The following TBCE variants were observed in gnomAD, a reference collection of about 807,000 sequenced individuals.
The protein encoded by TBCE is tubulin folding cofactor E, also known as tubulin-specific chaperone E.
Under a neutral mutation model 77.0 loss-of-function variants are expected in TBCE, and 53 were observed. The observed-to-expected ratio is 0.69, with a 90% CI of 0.55 to 0.87. TBCE has a LOEUF of 0.87. Among genes scored for constraint, TBCE ranks in the 40% least tolerant of loss-of-function variants. The probability of loss-of-function intolerance (pLI) is 0.00; values close to 1 mark genes in which losing one functional copy is unlikely to be tolerated. For missense variants in TBCE, 624 were observed against 622.4 expected (o/e 1.00, Z -0.03); for synonymous variants, 235 against 241.3 (o/e 0.97, Z 0.24).
At chr1:235,396,108 G>A (rs1678703610) in intron 2 of TBCE, among the ~76,000 whole-genome samples, 1 of 151,752 alleles carries the variant, frequency 6.6e-6, no homozygotes, top group Admixed American at 6.6e-5. Flanking sequence ...CGCCCAGGCT[G>A]GAGTGCAGTG....
intron 5 of TBCE, among the ~76,000 whole-genome samples, chr1:235,420,720 A>G (rs1680355637): frequency 6.6e-6 from 1 of 152,128 alleles, no homozygotes; most frequent in Non-Finnish European, 1.5e-5. Context: ...TGACCTGGTC[A>G]TCCGCCCACC....
intron 7 of TBCE, among the ~76,000 whole-genome samples, chr1:235,431,607 C>A (rs1013329861): frequency 6.6e-6 from 1 of 151,732 alleles, no homozygotes; most frequent in Admixed American, 6.6e-5. Context: ...GTGATTTGCC[C>A]GCCTCGGCCT....
chr1:235,398,284 T>G (rs1385400260), intron 2 of TBCE, among the ~76,000 whole-genome samples: 1 of 151,796 alleles, frequency 6.6e-6, no homozygotes, highest in African/African-American at 2.4e-5. Flanking sequence ...TAGCTGGGAT[T>G]ACAGGCACCC....
At chr1:235,378,435 G>A (rs1373312756) in intron 1 of TBCE, among the ~76,000 whole-genome samples, 1 of 152,086 alleles carries the variant, frequency 6.6e-6, no homozygotes, top group Non-Finnish European at 1.5e-5. Flanking sequence ...TGTTGCCCAG[G>A]CTGGTCTCGA....
At chr1:235,379,675 G>A (rs925156724) in intron 1 of TBCE, among the ~76,000 whole-genome samples, 37 of 152,098 alleles carry the variant, frequency 2.4e-4, no homozygotes, top group Admixed American at 6.6e-4. Context: ...TAGGCCAGGC[G>A]CGGTGGCTCA....
At chr1:235,370,335 C>A (rs1487879809) in intron 1 of TBCE, among the ~76,000 whole-genome samples, 1 of 150,596 alleles carries the variant, frequency 6.6e-6, no homozygotes, top group Non-Finnish European at 1.5e-5. Flanking sequence ...CTCACTGCAA[C>A]CTCTGCCTCC....
At chr1:235,369,497 CTCTG>C (rs1447132090) in intron 1 of TBCE, among the ~76,000 whole-genome samples, 1 of 149,918 alleles carries the variant, frequency 6.7e-6, no homozygotes, top group Non-Finnish European at 1.5e-5. Flanking sequence ...TAGAGCAAGA[CTCTG>C]TCTCAAAAAA....
At chr1:235,381,707 A>C (rs906923592) in intron 2 of TBCE, among the ~76,000 whole-genome samples, 1 of 150,718 alleles carries the variant, frequency 6.6e-6, no homozygotes, top group African/African-American at 2.4e-5. Flanking sequence ...AAAAAAAAAA[A>C]AAAAAGACTG....
intron 1 of TBCE, among the ~76,000 whole-genome samples, chr1:235,372,951 A>C (rs1206537429): frequency 1.3e-5 from 2 of 151,014 alleles, no homozygotes; most frequent in South Asian, 2.1e-4. Context: ...AAAAAGAGAG[A>C]AATTATTAAG....
intron 13 of TBCE, chr1:235,441,375 G>A (rs1020474301): frequency 2.7e-5 from 7 of 257,798 alleles, no homozygotes; most frequent in Non-Finnish European, 3.7e-5. Flanking sequence ...CCTGTGGATC[G>A]TGTCTCAGGT....
chr1:235,373,861 G>T (rs1270999737), intron 1 of TBCE, among the ~76,000 whole-genome samples: 5 of 145,616 alleles, frequency 3.4e-5, no homozygotes, highest in African/African-American at 1.3e-4. Context: ...GTGTTAGCCA[G>T]GATGGTCTCG....
At chr1:235,380,177 G>A (rs779385174) in intron 2 of TBCE, 28 bp downstream of exon 2, 10 of 393,066 alleles carry the variant, frequency 2.5e-5, no homozygotes, top group Non-Finnish European at 3.5e-5. Flanking sequence ...GTGTGTGTGT[G>A]TGTGTGTGTG....
intron 4 of TBCE, among the ~76,000 whole-genome samples, chr1:235,416,298 C>T (rs912331727): frequency 2.7e-5 from 4 of 150,790 alleles, no homozygotes; most frequent in Non-Finnish European, 4.4e-5. Context: ...TTTATTTTTT[C>T]CCATTTAAAA....
intron 3 of TBCE, among the ~76,000 whole-genome samples, chr1:235,410,475 G>A (rs1679721045): frequency 6.6e-6 from 1 of 152,044 alleles, no homozygotes; most frequent in Admixed American, 6.6e-5. Context: ...GATGACCAGA[G>A]GTCACTCTCA....
Position 235,450,322 on chromosome 1 carries a change from C to T in TBCE, c.*1560C>T. On this transcript the variant is annotated 3_prime_UTR_variant, in exon 17 of 17. Transcript: ENST00000642610. Reference sequence around the variant, plus strand: ...AGCATTCCTGTCTCACAGGTCTTCTCACACAGCCACAGACTGTCCTGTTGA... The same window carrying T: ...AGCATTCCTGTCTCACAGGTCTTCTTACACAGCCACAGACTGTCCTGTTGA... The T allele has an allele frequency of 6.2e-7, 1 of 1,614,050 alleles. No homozygotes were observed.
chr1:235,445,100 A>G (rs550225630), intron 15 of TBCE, among the ~76,000 whole-genome samples: 1 of 152,376 alleles, frequency 6.6e-6, no homozygotes, highest in East Asian at 1.9e-4. Context: ...GACTATCCAT[A>G]GAAATTATAT....
At chr1:235,373,588 C>T (rs1677105931) in intron 1 of TBCE, among the ~76,000 whole-genome samples, 1 of 151,950 alleles carries the variant, frequency 6.6e-6, no homozygotes. Context: ...GGATTACAGG[C>T]ACTCACCACC....
intron 3 of TBCE, among the ~76,000 whole-genome samples, chr1:235,402,065 C>CTTT (rs55848781): frequency 7.4e-6 from 1 of 134,886 alleles, no homozygotes. Context: ...ATTTCTTTGT[C>CTTT]TTTTTTTTTT....
In TBCE at chr1:235,380,160, ATTGT is replaced by A; in HGVS notation, c.100+12_100+15del. 7.4e-7 allele frequency: 1 copy of A among 1,358,408 alleles called. No individual in the cohort carries two copies. The highest frequency in any genetic ancestry group is 1.0e-6 in the Non-Finnish European group (1 of 976,372). 84.1% of individuals were successfully genotyped at this position (1,358,408 alleles called of 1,614,324 possible). ...TCCCTCCCGTGGCAGGTAAGCAATT[ATTGT>A]GTGTGTGTGTGTGTGTGTGTGTGTG... On this transcript the variant is annotated intron_variant, in intron 2 of 16. Transcript: ENST00000642610.
Sources: gnomAD v4.1 joint callset for allele counts (sites outside exome capture counted in the v4.1 genomes callset) on GRCh38, gnomAD v4.1.1 for gene constraint, MANE v1.5 for transcripts, NCBI Gene and HGNC (gene_info 2026-07-23, HGNC 2026-07-21) for gene names.